The following KCNMB2 variants were observed in gnomAD, a reference collection of about 807,000 sequenced individuals.
The protein encoded by KCNMB2 is calcium-activated potassium channel subunit beta-2.
A neutral mutation model predicts 24.5 loss-of-function variants in KCNMB2; 9 were observed. That is an observed-to-expected ratio of 0.37 (90% CI 0.22 to 0.64). The LOEUF is 0.64. KCNMB2 is among the 30% of genes least tolerant of loss of function. The pLI is 0.63. For synonymous variants in KCNMB2, 109 were observed against 104.4 expected (o/e 1.04, Z -0.27); for missense variants, 226 against 284.3 (o/e 0.79, Z 1.47).
At position 178,812,631 on chromosome 3, in the gene KCNMB2, C is replaced by G. The variant is rs1262967699; in HGVS notation, c.56+5166C>G. Among the ~76,000 whole-genome samples the G allele has an allele frequency of 2.0e-5, 3 of 152,118 alleles. No homozygotes were observed. The East Asian group carries it at 5.8e-4, about 29-fold the overall frequency. ...CTTTCACAATTACGTATTTAATCAT[C>G]TGGAACTGATACCCAATATCCAGTT... On this transcript the variant is annotated intron_variant, in intron 2 of 4. Transcript: ENST00000452583.
chr3:178,698,456 AG>A (rs1448419811), intron 1 of KCNMB2, among the ~76,000 whole-genome samples: 6 of 152,234 alleles, frequency 3.9e-5, no homozygotes, highest in Non-Finnish European at 7.4e-5. Context: ...TGTGTTTTTT[AG>A]CCCTATCTGG....
At chr3:178,598,296 T>C (rs1243220677) in intron 1 of KCNMB2, among the ~76,000 whole-genome samples, 1 of 152,178 alleles carries the variant, frequency 6.6e-6, no homozygotes, top group African/African-American at 2.4e-5. Context: ...AGCGCCACTT[T>C]TCTGCGATGC....
At chr3:178,659,886 A>T (rs1452282006) in intron 1 of KCNMB2, among the ~76,000 whole-genome samples, 1 of 152,146 alleles carries the variant, frequency 6.6e-6, no homozygotes, top group African/African-American at 2.4e-5. Flanking sequence ...AGCCCCACAC[A>T]GTTTCCCACC....
intron 1 of KCNMB2, among the ~76,000 whole-genome samples, chr3:178,635,408 T>TACACACACACACACACACAC (rs58294929): frequency 2.1e-4 from 30 of 144,964 alleles, no homozygotes; most frequent in African/African-American, 7.7e-4. Flanking sequence ...TGCTTATGCA[T>TACACACACACACACACACAC]ACACACACAC....
chr3:178,640,942 G>C (rs925982100), intron 1 of KCNMB2, among the ~76,000 whole-genome samples: 14 of 151,950 alleles, frequency 9.2e-5, no homozygotes, highest in Non-Finnish European at 2.1e-4. Context: ...ATTATCATTT[G>C]GTGAAAAGAC....
chr3:178,720,032 CG>C (rs1722745267), intron 1 of KCNMB2, among the ~76,000 whole-genome samples: 3 of 151,694 alleles, frequency 2.0e-5, no homozygotes, highest in African/African-American at 7.3e-5. Context: ...CACAACGTGC[CG>C]GTTAGTTACA....
intron 1 of KCNMB2, among the ~76,000 whole-genome samples, chr3:178,547,739 A>G (rs1715820817): frequency 6.6e-6 from 1 of 152,170 alleles, no homozygotes. Flanking sequence ...AATTGGAAAT[A>G]TCATCTATCC....
rs906532710 is a variant in KCNMB2 at position 178,678,810 on chromosome 3, G to A, written c.-67-128533G>A. Among the ~76,000 whole-genome samples, 9 of 152,288 alleles carry A rather than the reference G, an allele frequency of 5.9e-5. No individual in the cohort carries two copies. The East Asian group carries it at 1.5e-3, about 26-fold the overall frequency. On this transcript the variant is annotated intron_variant, in intron 1 of 4. Transcript: ENST00000452583. ...GGGAGCATGTAGTATTCTGTGGGCT[G>A]CAGGCTTCCCCCAGTCACTAGCATG...
At chr3:178,686,748 A>G (rs1560166572) in intron 1 of KCNMB2, among the ~76,000 whole-genome samples, 1 of 152,178 alleles carries the variant, frequency 6.6e-6, no homozygotes, top group Non-Finnish European at 1.5e-5. Flanking sequence ...AATTTAAAAA[A>G]CTTTCGCGAC....
chr3:178,699,318 A>G (rs1721999330), intron 1 of KCNMB2, among the ~76,000 whole-genome samples: 1 of 152,214 alleles, frequency 6.6e-6, no homozygotes, highest in African/African-American at 2.4e-5. Context: ...GCTCCCTGCA[A>G]TGGTGGTTAG....
chr3:178,587,159 A>G lies in KCNMB2; in HGVS notation c.-68+50448A>G, dbSNP rs184916018. On this transcript the variant is annotated intron_variant, in intron 1 of 4. Coordinates refer to ENST00000452583, the MANE Select transcript of KCNMB2 (RefSeq NM_181361.3). ...TGCTCTCTGGGTGGTCTATTTATCT[A>G]TTCCTCTTTTGTTATTAAATGGCTC... Among the ~76,000 whole-genome samples the G allele has an allele frequency of 1.0e-3, 152 of 152,204 alleles. 1 individual carries two copies. The highest frequency in any genetic ancestry group is 2.8e-3 in the Admixed American group (43 of 15,292).
intron 1 of KCNMB2, among the ~76,000 whole-genome samples, chr3:178,751,013 C>T (rs1304808778): frequency 2.0e-5 from 3 of 152,130 alleles, no homozygotes; most frequent in African/African-American, 4.8e-5. Flanking sequence ...AGATATGCTG[C>T]CTAGAAACCC....
intron 1 of KCNMB2, chr3:178,757,258 A>G (rs1012761086): frequency 7.0e-6 from 1 of 143,728 alleles, no homozygotes; most frequent in Non-Finnish European, 1.5e-5. Flanking sequence ...ATATATATAT[A>G]CACGTGTGTG....
At chr3:178,705,790 G>A (rs539133933) in intron 1 of KCNMB2, among the ~76,000 whole-genome samples, 1 of 152,254 alleles carries the variant, frequency 6.6e-6, no homozygotes, top group Admixed American at 6.5e-5. Flanking sequence ...ACAGTTAAAA[G>A]GAAATACCAA....
intron 1 of KCNMB2, among the ~76,000 whole-genome samples, chr3:178,718,796 C>T (rs1225783190): frequency 6.6e-6 from 1 of 152,090 alleles, no homozygotes; most frequent in Admixed American, 6.6e-5. Flanking sequence ...TTCTCTATAT[C>T]GTATATGCAT....
rs1715486648 is a variant in KCNMB2 at position 178,843,088 on chromosome 3, T to A, written c.*151T>A. 5 of 686,698 alleles carry A rather than the reference T, an allele frequency of 7.3e-6. No individual in the cohort carries two copies. The highest frequency in any genetic ancestry group is 1.3e-5 in the Non-Finnish European group (5 of 386,798). 42.5% of individuals were successfully genotyped at this position (686,698 alleles called of 1,614,324 possible). On this transcript the variant is annotated 3_prime_UTR_variant, in exon 5 of 5. Transcript: ENST00000452583. ...GAGCAATAATGCAAAAGCTGTTCTATATGCAAACATGATGTCTTTATTATT... is the reference window on the plus strand; with the variant it reads ...GAGCAATAATGCAAAAGCTGTTCTAAATGCAAACATGATGTCTTTATTATT...
intron 2 of KCNMB2, among the ~76,000 whole-genome samples, chr3:178,814,665 T>C (rs11915500): frequency 0.27 from 41,172 of 152,100 alleles, 8,898 homozygotes; most frequent in African/African-American, 0.6. Flanking sequence ...TTTTTAATAA[T>C]AGCCATCCTG....
At chr3:178,752,376 G>A (rs1052721319) in intron 1 of KCNMB2, among the ~76,000 whole-genome samples, 2 of 152,152 alleles carry the variant, frequency 1.3e-5, no homozygotes, top group African/African-American at 4.8e-5. Flanking sequence ...GGGAACATGG[G>A]AGCATATGAC....
At chr3:178,678,663 T>A (rs932963630) in intron 1 of KCNMB2, among the ~76,000 whole-genome samples, 1 of 152,190 alleles carries the variant, frequency 6.6e-6, no homozygotes, top group East Asian at 1.9e-4. Flanking sequence ...CTTCACCTAT[T>A]GGGGATGCTG....
Sources: allele counts gnomAD v4.1 joint callset (sites outside exome capture counted in the v4.1 genomes callset), GRCh38; gene constraint gnomAD v4.1.1; transcripts MANE v1.5; gene names NCBI Gene and HGNC (gene_info 2026-07-23, HGNC 2026-07-21).